CEP72: variants seen among roughly 807,000 people sequenced by gnomAD.
CEP72 encodes the protein centrosomal protein of 72 kDa.
Under a neutral mutation model 65.7 loss-of-function variants are expected in CEP72, and 78 were observed. The observed-to-expected ratio is 1.19, with a 90% CI of 0.99 to 1.43. The LOEUF is 1.43. Ranked by LOEUF, CEP72 falls within the 40% of genes most tolerant of loss-of-function variation. CEP72 has a pLI of 0.00. For missense variants in CEP72, 914 were observed against 832.9 expected (o/e 1.10, Z -1.20); for synonymous variants, 358 against 351.7 (o/e 1.02, Z -0.20).
chr5:675,032 TGA>T, the CEP72 span, among the ~76,000 whole-genome samples: 1 of 32,092 alleles, frequency 3.1e-5, no homozygotes, highest in Non-Finnish European at 5.6e-5. Flanking sequence ...GGGGGAGCAG[TGA>T]GGGGGGTACA....
Position 624,635 on chromosome 5 carries a change from G to A in CEP72, c.512+56G>A. 8.0e-7 allele frequency: 1 copy of A among 1,245,686 alleles called. No homozygotes were observed. The highest frequency in any genetic ancestry group is 1.2e-6 in the Non-Finnish European group (1 of 845,012). 77.2% of individuals were successfully genotyped at this position (1,245,686 alleles called of 1,614,324 possible). A position where few individuals can be genotyped will look rare whatever the true frequency, so the allele number is the denominator to read the frequency against. On this transcript the variant is annotated intron_variant, in intron 4 of 11. Coordinates refer to ENST00000264935, the MANE Select transcript of CEP72 (RefSeq NM_018140.4). The surrounding 1 kb of genome is among the most constrained non-coding windows in gnomAD (Gnocchi z 4.7). ...GTGTTTCTGACTGGCCTGCTGTCAG[G>A]AGGATTAACCGAACGTCATTCACTG... is the stretch of plus-strand genomic sequence containing the variant.
exon 4 of CEP72, chr5:665,971 G>T: frequency 9.1e-7 from 1 of 1,098,886 alleles, no homozygotes; most frequent in Non-Finnish European, 1.2e-6. Flanking sequence ...CCTGCTCACC[G>T]TCACCCCTGA....
rs748309829 is a variant in CEP72, at chr5:624,595, C to G, written c.512+16C>G. 6.5e-7 allele frequency: 1 copy of G among 1,529,360 alleles called. No individual in the cohort carries two copies. The highest frequency in any genetic ancestry group is 2.2e-5 in the East Asian group (1 of 44,472). The allele number at this position is 1,529,360 out of a possible 1,614,324, so 94.7% of individuals were successfully genotyped here. A position where few individuals can be genotyped will look rare whatever the true frequency, so the allele number is the denominator to read the frequency against. On this transcript the variant is annotated intron_variant, in intron 4 of 11. Transcript: ENST00000264935. The surrounding 1 kb of genome is among the most constrained non-coding windows in gnomAD (Gnocchi z 4.7). ...AAGAGGGCAGGTATGAACGGAAGTG[C>G]TACGGACACCCAGAGTGTTTCTGAC...
chr5:648,778 T>TG (rs769391317), intron 11 of CEP72, among the ~76,000 whole-genome samples: 5 of 56,492 alleles, frequency 8.9e-5, no homozygotes, highest in African/African-American at 2.9e-4. Context: ...CTGTGAGGTG[T>TG]GACTGTGAGG....
chr5:645,460 A>AG lies in CEP72; in HGVS notation c.1666+1036dup, dbSNP rs1031186739. Among the ~76,000 whole-genome samples the AG allele has an allele frequency of 2.8e-5, 4 of 145,046 alleles. No individual in the cohort carries two copies. Among genetic ancestry groups the AG allele is most frequent in the African/African-American group, 9.8e-5 (4 of 40,630 alleles). ...ACATCATTTCGTCGTAAAGGTGATG[A>AG]GAAAAAAAAAAAAAAACAGTTCCCT... On this transcript the variant is annotated intron_variant, in intron 10 of 11. Coordinates refer to ENST00000264935, the MANE Select transcript of CEP72 (RefSeq NM_018140.4). The surrounding 1 kb of genome is among the most constrained non-coding windows in gnomAD (Gnocchi z 4.0).
At chr5:647,489 A>C (rs562937234) in intron 10 of CEP72, among the ~76,000 whole-genome samples, 53 of 152,330 alleles carry the variant, frequency 3.5e-4, no homozygotes, top group African/African-American at 1.2e-3. Flanking sequence ...AGGAACCAGC[A>C]GACAGGCCCA....
intron 1 of CEP72, chr5:663,233 ACATT>A (rs1739747245): frequency 6.6e-6 from 1 of 152,008 alleles, no homozygotes; most frequent in African/African-American, 2.4e-5. Flanking sequence ...TCCGAACCGC[ACATT>A]CAGAGTTGTT....
At chr5:640,757 C>T in intron 9 of CEP72, 153 bp downstream of exon 9, 1 of 985,472 alleles carries the variant, frequency 1.0e-6, no homozygotes, top group Non-Finnish European at 1.2e-6. Flanking sequence ...ACCCGGCCAC[C>T]CCCGGAACGC....
At chr5:620,353 C>A in intron 3 of CEP72, 92 bp downstream of exon 3, 1 of 1,096,388 alleles carries the variant, frequency 9.1e-7, no homozygotes, top group Non-Finnish European at 1.4e-6. Flanking sequence ...CTCAACGTCA[C>A]ATGCTTGATT....
downstream of CEP72, among the ~76,000 whole-genome samples, chr5:668,557 T>G (rs973773168): frequency 6.6e-6 from 1 of 152,054 alleles, no homozygotes; most frequent in Admixed American, 6.5e-5. Flanking sequence ...TCAAATAAAC[T>G]GCCGGCACCT....
chr5:641,569 C>T (rs960686693), intron 9 of CEP72: 131 of 985,264 alleles, frequency 1.3e-4, no homozygotes, highest in Admixed American at 1.8e-4. Flanking sequence ...TTTAAACGCA[C>T]GTGGCCCCCC....
chr5:644,150 T>C (rs1738256285), intron 9 of CEP72, 149 bp from the exon 10 acceptor site: 1 of 834,314 alleles, frequency 1.2e-6, no homozygotes, highest in Non-Finnish European at 1.9e-6. Flanking sequence ...CAGGGAGATG[T>C]ACCGTGAAAC....
chr5:674,390 C>T, the CEP72 span, among the ~76,000 whole-genome samples: 1 of 152,172 alleles, frequency 6.6e-6, no homozygotes, highest in Admixed American at 6.5e-5. Flanking sequence ...AGGAGCTGCC[C>T]TGCCCTTGCC....
downstream of CEP72, among the ~76,000 whole-genome samples, chr5:657,967 T>G (rs1739423221): frequency 6.6e-6 from 1 of 152,264 alleles, no homozygotes; most frequent in South Asian, 2.1e-4. Flanking sequence ...TGAGCAGGCT[T>G]TCCATTTCTT....
Position 648,107 on chromosome 5 carries a change from A to C in CEP72, c.1778+191A>C, listed in dbSNP as rs1011447294. ...TCCTCTCTGAAAACGGAGGCCCTTCATGCTGTCTGTCGCATGTGTGAGGCG... is the reference window on the plus strand; with the variant it reads ...TCCTCTCTGAAAACGGAGGCCCTTCCTGCTGTCTGTCGCATGTGTGAGGCG... On this transcript the variant is annotated intron_variant, in intron 11 of 11. Transcript: ENST00000264935. Among the ~76,000 whole-genome samples the C allele has an allele frequency of 2.0e-5, 3 of 152,262 alleles. No individual in the cohort carries two copies. In the South Asian group the frequency reaches 6.2e-4, roughly 31 times the overall value.
chr5:642,321 G>A, intron 9 of CEP72: 1 of 983,448 alleles, frequency 1.0e-6, no homozygotes, highest in Non-Finnish European at 1.2e-6. Context: ...CTCATCTGGT[G>A]GAAGCCTCTG....
chr5:654,657 C>G (rs114024312), downstream of CEP72, among the ~76,000 whole-genome samples: 1 of 152,086 alleles, frequency 6.6e-6, no homozygotes, highest in Admixed American at 6.5e-5. Context: ...TTTGTCATCA[C>G]GTAATTTATG....
In CEP72 at chr5:637,836, G is replaced by C; in HGVS notation, c.1206+18G>C. On this transcript the variant is annotated intron_variant, in intron 7 of 11. Coordinates refer to ENST00000264935, the MANE Select transcript of CEP72 (RefSeq NM_018140.4). ...CCAGAGAGGTGAGAGAAGGGCTGGG[G>C]AGCAGCAGGCCCACGGCACTGCCTC... The C allele has an allele frequency of 6.6e-7, 1 of 1,515,066 alleles. No individual in the cohort carries two copies. The highest frequency in any genetic ancestry group is 1.3e-5 in the South Asian group (1 of 79,330). 93.9% of individuals were successfully genotyped at this position (1,515,066 alleles called of 1,614,324 possible).
chr5:675,142 T>TGTGGCCAGGGGTGCAAC, the CEP72 span, among the ~76,000 whole-genome samples: 2 of 65,448 alleles, frequency 3.1e-5, no homozygotes, highest in African/African-American at 1.2e-4. Context: ...AGGGGTGCAG[T>TGTGGCCAGGGGTGCAAC]GTGGCCAGGG....
Sources: allele counts gnomAD v4.1 joint callset (sites outside exome capture counted in the v4.1 genomes callset), GRCh38; gene constraint gnomAD v4.1.1; non-coding constraint Gnocchi (gnomAD v3.1); transcripts MANE v1.5; gene names NCBI Gene and HGNC (gene_info 2026-07-23, HGNC 2026-07-21).